The following FBXL13 variants were observed in gnomAD, a reference collection of about 807,000 sequenced individuals.
FBXL13 encodes F-box and leucine-rich repeat protein 13.
Under a neutral mutation model 83.6 loss-of-function variants are expected in FBXL13, and 67 were observed. The ratio of observed to expected loss-of-function variants is 0.80; its 90% CI spans 0.66 to 0.98. FBXL13 has a LOEUF of 0.98. Ranked by LOEUF, FBXL13 falls within the 50% of genes least tolerant of loss-of-function variation. FBXL13 has a pLI of 0.00. For synonymous variants in FBXL13, 272 were observed against 299.5 expected (o/e 0.91, Z 0.95); for missense variants, 822 against 866.5 (o/e 0.95, Z 0.64).
At chr7:102,845,930 C>T (rs1264629442) in intron 17 of FBXL13, among the ~76,000 whole-genome samples, 1 of 152,166 alleles carries the variant, frequency 6.6e-6, no homozygotes, top group African/African-American at 2.4e-5. Context: ...TAAAAGCATC[C>T]TTTTGGAATT....
chr7:102,924,892 G>T (rs1309383455), intron 10 of FBXL13, among the ~76,000 whole-genome samples: 1 of 151,722 alleles, frequency 6.6e-6, no homozygotes, highest in African/African-American at 2.4e-5. Flanking sequence ...GCCTCCCAAA[G>T]TGCTGGGATT....
At chr7:102,893,907 G>A (rs951692139) in intron 11 of FBXL13, among the ~76,000 whole-genome samples, 2 of 148,436 alleles carry the variant, frequency 1.3e-5, no homozygotes, top group Non-Finnish European at 3.0e-5. Flanking sequence ...GGAAGGGAGG[G>A]AGGGGAAAGA....
At chr7:102,879,447 G>GTGTA (rs1219408285) in intron 14 of FBXL13, among the ~76,000 whole-genome samples, 2 of 151,310 alleles carry the variant, frequency 1.3e-5, no homozygotes, top group East Asian at 1.9e-4. Context: ...GGATGTGTGT[G>GTGTA]TGTGTGTGTG....
At chr7:102,938,115 A>G (rs1352714158) in intron 8 of FBXL13, among the ~76,000 whole-genome samples, 1 of 152,260 alleles carries the variant, frequency 6.6e-6, no homozygotes, top group African/African-American at 2.4e-5. Flanking sequence ...AATAAATGTG[A>G]GACTAATTGA....
At chr7:102,972,587 C>T in intron 6 of FBXL13, among the ~76,000 whole-genome samples, 1 of 152,056 alleles carries the variant, frequency 6.6e-6, no homozygotes, top group East Asian at 1.9e-4. Context: ...AATCTGACTT[C>T]ACCACTATAC....
chr7:102,830,400 G>A (rs2129447128), intron 18 of FBXL13, among the ~76,000 whole-genome samples: 1 of 152,260 alleles, frequency 6.6e-6, no homozygotes, highest in Admixed American at 6.5e-5. Context: ...TGTGTGCTAT[G>A]AACGCAAGAA....
intron 19 of FBXL13, among the ~76,000 whole-genome samples, chr7:102,816,493 G>A (rs79986018): frequency 0.011 from 1,637 of 152,156 alleles, 36 homozygotes; most frequent in African/African-American, 0.038. Flanking sequence ...ATCCTCACAC[G>A]GACTGACTAA....
chr7:102,982,670 C>G, intron 6 of FBXL13, among the ~76,000 whole-genome samples: 1 of 152,170 alleles, frequency 6.6e-6, no homozygotes, highest in East Asian at 1.9e-4. Flanking sequence ...TGCACAAGCT[C>G]TCTTGCCTGC....
In FBXL13 at chr7:102,910,410, G is replaced by C. The variant is rs186606202; in HGVS notation, c.1008+2676C>G. ...TCTTTTTTTTTTCTTTGTGTGTTGG[G>C]GGGAGGGGGTCTTTATTCACATGGA... On this transcript the variant is annotated intron_variant, in intron 11 of 19. Transcript: ENST00000313221. 6.7e-4 allele frequency among the ~76,000 whole-genome samples: 102 copies of C among 151,888 alleles called. 3 individuals are homozygous for C. The highest frequency in any genetic ancestry group is 6.0e-3 in the Admixed American group (92 of 15,246).
At chr7:102,898,577 C>T (rs1383302580) in intron 11 of FBXL13, among the ~76,000 whole-genome samples, 3 of 152,144 alleles carry the variant, frequency 2.0e-5, no homozygotes, top group Non-Finnish European at 4.4e-5. Flanking sequence ...AAGCATGAGC[C>T]ACCGTGCCTG....
intron 1 of FBXL13, among the ~76,000 whole-genome samples, chr7:103,064,714 C>G (rs957160146): frequency 2.6e-5 from 4 of 152,180 alleles, no homozygotes; most frequent in African/African-American, 7.2e-5. Context: ...CATGTTCCCT[C>G]CCCTTGAATC....
chr7:102,873,854 T>A (rs1808868860), intron 16 of FBXL13, among the ~76,000 whole-genome samples: 1 of 152,182 alleles, frequency 6.6e-6, no homozygotes, highest in Non-Finnish European at 1.5e-5. Context: ...ACAGAACACC[T>A]TTCTTCTCTG....
intron 8 of FBXL13, chr7:102,933,970 C>T (rs778992453): frequency 1.2e-6 from 2 of 1,614,028 alleles, no homozygotes; most frequent in South Asian, 1.1e-5. Context: ...CTGAGCTGCG[C>T]AAAGCAAGCC....
intron 19 of FBXL13, among the ~76,000 whole-genome samples, chr7:102,818,061 C>G (rs2129445080): frequency 6.6e-6 from 1 of 152,224 alleles, no homozygotes; most frequent in Non-Finnish European, 1.5e-5. Flanking sequence ...CAGGGTTAGC[C>G]CTGTAGTAAC....
intron 19 of FBXL13, among the ~76,000 whole-genome samples, chr7:102,817,784 T>C (rs1341938870): frequency 1.3e-5 from 2 of 152,186 alleles, no homozygotes; most frequent in African/African-American, 2.4e-5. Flanking sequence ...CTAAATTCCA[T>C]AGAGCACATA....
chr7:102,820,173 G>A (rs141040509), intron 19 of FBXL13, among the ~76,000 whole-genome samples: 3 of 152,336 alleles, frequency 2.0e-5, no homozygotes, highest in Admixed American at 6.5e-5. Context: ...TCCTGCTAGA[G>A]CTAAGCAAGG....
chr7:103,063,198 T>C (rs999997195), intron 1 of FBXL13, among the ~76,000 whole-genome samples: 6 of 152,338 alleles, frequency 3.9e-5, no homozygotes, highest in Admixed American at 6.5e-5. Context: ...TCTATATCCA[T>C]GGGTCCTGCA....
intron 11 of FBXL13, among the ~76,000 whole-genome samples, chr7:102,908,108 T>C (rs1814039561): frequency 6.6e-6 from 1 of 152,210 alleles, no homozygotes; most frequent in Admixed American, 6.5e-5. Flanking sequence ...TAAAGACTCA[T>C]TCTTTTTTAT....
At chr7:102,908,069 T>C (rs1367183729) in intron 11 of FBXL13, among the ~76,000 whole-genome samples, 1 of 152,228 alleles carries the variant, frequency 6.6e-6, no homozygotes, top group Non-Finnish European at 1.5e-5. Flanking sequence ...ACTGGGTATA[T>C]ACCCAAATGA....
Sources: gnomAD v4.1 joint callset for allele counts (sites outside exome capture counted in the v4.1 genomes callset) on GRCh38, gnomAD v4.1.1 for gene constraint, MANE v1.5 for transcripts, NCBI Gene and HGNC (gene_info 2026-07-23, HGNC 2026-07-21) for gene names.